SCAI: variants seen among roughly 807,000 people sequenced by gnomAD.
SCAI encodes the protein protein SCAI.
A neutral mutation model predicts 92.2 loss-of-function variants in SCAI; 24 were observed. That is an observed-to-expected ratio of 0.26 (90% confidence interval 0.19 to 0.37). The LOEUF (loss-of-function observed/expected upper bound fraction) is 0.37. SCAI is among the 10% of genes least tolerant of loss of function. The pLI, the probability that SCAI is intolerant of heterozygous loss-of-function variation, is 1.00. For synonymous variants in SCAI, 261 were observed against 258.6 expected (o/e 1.01, Z -0.09); for missense variants, 450 against 736.2 (o/e 0.61, Z 4.50).
chr9:125,056,125 C>A (rs1833659772), intron 2 of SCAI, 118 bp from the exon 3 acceptor site: 2 of 714,408 alleles, frequency 2.8e-6, no homozygotes, highest in Non-Finnish European at 4.4e-6. Context: ...CTTCTGATTA[C>A]AATCAAATCA....
intron 15 of SCAI, among the ~76,000 whole-genome samples, chr9:124,973,725 G>A (rs1256545871): frequency 2.0e-5 from 3 of 152,170 alleles, no homozygotes; most frequent in South Asian, 4.1e-4. Flanking sequence ...TTCTCGGGAC[G>A]CTGAGGCAAG....
chr9:125,069,798 C>T (rs1002227717), intron 2 of SCAI, among the ~76,000 whole-genome samples: 1 of 150,200 alleles, frequency 6.7e-6, no homozygotes, highest in African/African-American at 2.5e-5. Flanking sequence ...GATTTTTGTA[C>T]TTTAGTAGAG....
chr9:125,117,168 AC>A (rs1429509505), intron 2 of SCAI, among the ~76,000 whole-genome samples: 3 of 152,224 alleles, frequency 2.0e-5, no homozygotes, highest in Admixed American at 6.5e-5. Flanking sequence ...CAATGAAGTA[AC>A]ATCACTTACA....
At chr9:125,079,417 C>T (rs183220691) in intron 2 of SCAI, among the ~76,000 whole-genome samples, 5 of 152,210 alleles carry the variant, frequency 3.3e-5, no homozygotes, top group South Asian at 2.1e-4. Context: ...AGAAGATCTG[C>T]GTATAATTGA....
intron 17 of SCAI, among the ~76,000 whole-genome samples, chr9:124,966,219 C>A (rs1451526424): frequency 7.9e-6 from 1 of 127,056 alleles, no homozygotes; most frequent in African/African-American, 2.9e-5. Flanking sequence ...TAATGCTATC[C>A]CTCCCCCCTC....
At chr9:125,080,039 A>G (rs1453559634) in intron 2 of SCAI, among the ~76,000 whole-genome samples, 1 of 151,950 alleles carries the variant, frequency 6.6e-6, no homozygotes, top group Non-Finnish European at 1.5e-5. Context: ...AACTAGAGGG[A>G]AGTTATCAAA....
At chr9:125,008,768 G>C (rs1188457968) in intron 9 of SCAI, among the ~76,000 whole-genome samples, 1 of 152,054 alleles carries the variant, frequency 6.6e-6, no homozygotes, top group Non-Finnish European at 1.5e-5. Flanking sequence ...AGCAGAGAAA[G>C]AACAGAAGGG....
At chr9:125,053,098 G>A (rs1482008183) in intron 3 of SCAI, among the ~76,000 whole-genome samples, 1 of 152,106 alleles carries the variant, frequency 6.6e-6, no homozygotes, top group Non-Finnish European at 1.5e-5. Flanking sequence ...ACTTTGGGAG[G>A]CCGAAGCAGG....
Position 125,143,386 on chromosome 9 carries a change from T to G in SCAI, c.52A>C (p.Arg18=). The G allele has an allele frequency of 7.8e-7, 1 of 1,280,568 alleles. No homozygotes were observed. Among genetic ancestry groups the G allele is most frequent in the Non-Finnish European group, 1.0e-6 (1 of 1,002,334 alleles). 79.3% of individuals were successfully genotyped at this position (1,280,568 alleles called of 1,614,324 possible). ...CCGGCCTCCACCCAGCCCCCGCACC[T>G]GGGGGCCAGGCGACTCCGCGGCTGC... ...PQQPRSRLAP[R]LTGTVEKPPR... is the part of the protein sequence containing the mutation. The change falls in exon 1 of 18, where the codon AGA becomes CGA. Residue 18 remains arginine (R), a splice_region_variant and synonymous_variant. Transcript: ENST00000336505.
At chr9:124,966,916 C>CT (rs35221252) in intron 17 of SCAI, among the ~76,000 whole-genome samples, 75,584 of 134,134 alleles carry the variant, frequency 0.56, 21,168 homozygotes, top group Non-Finnish European at 0.59. Context: ...CCCAGCTTGA[C>CT]TTTTTTTTTT....
intron 7 of SCAI, among the ~76,000 whole-genome samples, 185 bp downstream of exon 7, chr9:125,020,488 T>C (rs1832849981): frequency 6.6e-6 from 1 of 152,234 alleles, no homozygotes. Flanking sequence ...CTCAGATTAG[T>C]GTATTTGTAA....
rs748698232 is a variant in SCAI at position 125,026,917 on chromosome 9, GA to G, written c.414-8del. On this transcript the variant is annotated splice_polypyrimidine_tract_variant and splice_region_variant and intron_variant, in intron 5 of 17. Transcript: ENST00000336505. ...GGTTTCCGATGTGCGTAAGCTATGA[GA>G]AAAAATATATTTTTAAATATGACAG... 6 of 1,517,456 alleles carry G rather than the reference GA, an allele frequency of 4.0e-6. No individual in the cohort carries two copies. In the East Asian group the frequency reaches 9.1e-5, roughly 23 times the overall value. The allele number at this position is 1,517,456 out of a possible 1,614,324, so 94.0% of individuals were successfully genotyped here.
At position 125,014,879 on chromosome 9, in the gene SCAI, G is replaced by T. The variant is rs185654729; in HGVS notation, c.861+3920C>A. Among the ~76,000 whole-genome samples the T allele has an allele frequency of 1.7e-3, 260 of 152,112 alleles. 2 individuals carry two copies. In the East Asian group the frequency reaches 0.032, roughly 19 times the overall value. On this transcript the variant is annotated intron_variant, in intron 9 of 17. Coordinates refer to ENST00000336505, the MANE Select transcript of SCAI (RefSeq NM_001144877.3). ...ACAGAGCCCTCAGAAATAACGCCACGTATCTACAACTATCTGATCTTTGAC... is the reference window on the plus strand; with the variant it reads ...ACAGAGCCCTCAGAAATAACGCCACTTATCTACAACTATCTGATCTTTGAC...
intron 3 of SCAI, among the ~76,000 whole-genome samples, chr9:125,052,846 A>G (rs950210496): frequency 6.8e-6 from 1 of 147,728 alleles, no homozygotes; most frequent in African/African-American, 2.5e-5. Flanking sequence ...GATGCCCAAC[A>G]TTAGGGAAAT....
intron 2 of SCAI, among the ~76,000 whole-genome samples, chr9:125,079,024 T>C (rs1376454943): frequency 6.6e-6 from 1 of 152,188 alleles, no homozygotes. Context: ...CTATTTTTGA[T>C]ATTCATCTAT....
At chr9:125,089,846 C>A (rs927055119) in intron 2 of SCAI, among the ~76,000 whole-genome samples, 1 of 151,730 alleles carries the variant, frequency 6.6e-6, no homozygotes, top group East Asian at 1.9e-4. Context: ...TAGCCTTCAC[C>A]GTCTTAGGAA....
intron 17 of SCAI, chr9:124,968,186 CA>C: frequency 3.1e-6 from 2 of 640,840 alleles, no homozygotes; most frequent in Non-Finnish European, 5.2e-6. Context: ...TCCTCAAAAG[CA>C]GGAATGAAAA....
intron 3 of SCAI, among the ~76,000 whole-genome samples, chr9:125,032,355 C>T (rs1356013427): frequency 1.5e-4 from 22 of 150,788 alleles, no homozygotes; most frequent in South Asian, 4.2e-4. Flanking sequence ...CCACGCCTGG[C>T]TAATTTTTGT....
At chr9:125,094,024 C>G (rs1030501057) in intron 2 of SCAI, among the ~76,000 whole-genome samples, 1 of 152,122 alleles carries the variant, frequency 6.6e-6, no homozygotes, top group Admixed American at 6.5e-5. Context: ...AAAACCTACT[C>G]TATTCACAGT....
Sources: gnomAD v4.1 joint callset for allele counts (sites outside exome capture counted in the v4.1 genomes callset) on GRCh38, gnomAD v4.1.1 for gene constraint, MANE v1.5 for transcripts, NCBI Gene and HGNC (gene_info 2026-07-23, HGNC 2026-07-21) for gene names.